The following CDH23 variants were observed in gnomAD, a reference collection of about 807,000 sequenced individuals.
CDH23 encodes cadherin related 23.
A neutral mutation model predicts 317.1 loss-of-function variants in CDH23; 189 were observed. The observed-to-expected ratio is 0.60, with a 90% confidence interval of 0.53 to 0.67. The LOEUF is 0.67. CDH23 is among the 30% of genes least tolerant of loss of function. The probability of loss-of-function intolerance (pLI) is 0.00; values close to 1 mark genes in which losing one functional copy is unlikely to be tolerated. For missense variants in CDH23, 4,401 were observed against 4,592.4 expected (o/e 0.96, Z 1.20); for synonymous variants, 1,839 against 1,876.8 (o/e 0.98, Z 0.52).
At chr10:71,746,818 A>G (rs529585067) in intron 38 of CDH23, among the ~76,000 whole-genome samples, 5 of 152,282 alleles carry the variant, frequency 3.3e-5, no homozygotes, top group African/African-American at 1.2e-4. Context: ...GAAGTCACCT[A>G]TCCAGGCAGA....
chr10:71,511,152 G>T lies in CDH23; in HGVS notation c.369G>T (p.Gly123=). 1 of 1,613,644 alleles carries T rather than the reference G, an allele frequency of 6.2e-7. No individual in the cohort carries two copies. The highest frequency in any genetic ancestry group is 8.5e-7 in the Non-Finnish European group (1 of 1,179,648). Residue 123 remains glycine, a synonymous_variant, in exon 6 of 70, where the codon GGG becomes GGT. Coordinates refer to ENST00000224721, the MANE Select transcript of CDH23 (RefSeq NM_022124.6). ...CACGGAAGGTGAACATCCAGGTTGGGGATGTGAATGACAACGCGCCCACAT... is the reference window on the plus strand; with the variant it reads ...CACGGAAGGTGAACATCCAGGTTGGTGATGTGAATGACAACGCGCCCACAT... ...VITRKVNIQV[G]DVNDNAPTFH...
At chr10:71,509,802 G>C in intron 3 of CDH23, 1 of 431,968 alleles carries the variant, frequency 2.3e-6, no homozygotes, top group Non-Finnish European at 4.2e-6. Context: ...CAGAGAAAGG[G>C]GGGCAGGCAG....
At chr10:71,522,443 G>C (rs1199820305) in intron 6 of CDH23, among the ~76,000 whole-genome samples, 3 of 152,154 alleles carry the variant, frequency 2.0e-5, no homozygotes, top group Non-Finnish European at 4.4e-5. Context: ...CAGGCAGCCA[G>C]CTTCCTCTTG....
At chr10:71,459,140 C>T (rs1308510788) in intron 3 of CDH23, among the ~76,000 whole-genome samples, 16 of 141,086 alleles carry the variant, frequency 1.1e-4, no homozygotes, top group South Asian at 2.3e-4. Context: ...GAGGCTGGCA[C>T]GCAGTGGCAA....
At chr10:71,715,952 T>G (rs1290225314) in intron 28 of CDH23, 1 of 1,473,310 alleles carries the variant, frequency 6.8e-7, no homozygotes, top group African/African-American at 1.4e-5. Context: ...CTTGGTAGAT[T>G]CCATGTAGTC....
rs1302857468 is a variant in CDH23, at chr10:71,809,961, AGC to A, written c.8868_8869del (p.Val2957GlnfsTer5). ...GGCATCTACATCCTGAGGGACGACC[AGC>A]GCGTCAAGATCGTCATTAACGAGAT... On this transcript the variant is annotated frameshift_variant, in exon 61 of 70. Transcript: ENST00000224721. LOFTEE classifies it high-confidence loss of function. The A allele has an allele frequency of 6.2e-7, 1 of 1,612,222 alleles. No individual in the cohort carries two copies. The highest frequency in any genetic ancestry group is 1.3e-5 in the African/African-American group (1 of 74,922).
intron 3 of CDH23, among the ~76,000 whole-genome samples, chr10:71,492,314 A>T (rs1452577715): frequency 6.6e-6 from 1 of 152,136 alleles, no homozygotes; most frequent in East Asian, 1.9e-4. Context: ...CTCTGTCTAT[A>T]CTAGACTGGA....
At chr10:71,506,187 A>G (rs1274201036) in intron 3 of CDH23, among the ~76,000 whole-genome samples, 2 of 152,218 alleles carry the variant, frequency 1.3e-5, no homozygotes, top group Non-Finnish European at 2.9e-5. Flanking sequence ...GGATAGGCGA[A>G]TCCATAGAAA....
At chr10:71,811,778 A>G (rs1841937736) in intron 65 of CDH23, 25 bp downstream of exon 65, 2 of 1,562,696 alleles carry the variant, frequency 1.3e-6, no homozygotes, top group East Asian at 4.8e-5. Context: ...TAGTGGGGAC[A>G]CAGGTGAGAA....
intron 29 of CDH23, among the ~76,000 whole-genome samples, chr10:71,724,470 T>G (rs959073423): frequency 4.6e-5 from 7 of 152,202 alleles, no homozygotes; most frequent in African/African-American, 1.7e-4. Context: ...ATGCCTGTAA[T>G]TTTTTGTGCT....
At chr10:71,795,055 G>A (rs1194318659) in intron 48 of CDH23, among the ~76,000 whole-genome samples, 11 of 152,130 alleles carry the variant, frequency 7.2e-5, no homozygotes, top group Admixed American at 5.9e-4. Flanking sequence ...ATAATAAATG[G>A]GATGAGATAT....
chr10:71,810,349 A>T, intron 61 of CDH23, 123 bp from the exon 62 acceptor site: 1 of 955,748 alleles, frequency 1.0e-6, no homozygotes, highest in Non-Finnish European at 1.6e-6. Context: ...GCAAACATTC[A>T]AACATTCAGT....
At chr10:71,768,491 T>C (rs1350183397) in intron 38 of CDH23, among the ~76,000 whole-genome samples, 1 of 151,708 alleles carries the variant, frequency 6.6e-6, no homozygotes, top group Non-Finnish European at 1.5e-5. Context: ...TTTTCTTTAG[T>C]GAGCTAGGGT....
chr10:71,613,991 C>T (rs149519608), intron 9 of CDH23, among the ~76,000 whole-genome samples: 3 of 152,270 alleles, frequency 2.0e-5, no homozygotes, highest in African/African-American at 7.2e-5. Context: ...TTCTCATAAC[C>T]CTGTGGGGCA....
At chr10:71,690,427 G>A (rs1417877983) in intron 19 of CDH23, 41 bp from the exon 20 acceptor site, 1 of 1,474,344 alleles carries the variant, frequency 6.8e-7, no homozygotes, top group East Asian at 2.4e-5. Flanking sequence ...AGGGGCCCAG[G>A]GTGAGCAGCA....
chr10:71,549,941 G>T (rs1049896498), intron 6 of CDH23, among the ~76,000 whole-genome samples: 1 of 152,148 alleles, frequency 6.6e-6, no homozygotes, highest in Admixed American at 6.5e-5. Context: ...CACAGAGCAG[G>T]GTGGAGAGTT....
intron 11 of CDH23, among the ~76,000 whole-genome samples, chr10:71,639,571 T>C (rs1862437142): frequency 6.6e-6 from 1 of 152,196 alleles, no homozygotes; most frequent in African/African-American, 2.4e-5. Flanking sequence ...GAGCTCTGAC[T>C]CCGAGGCGGG....
chr10:71,794,878 T>A (rs984310432), intron 48 of CDH23, among the ~76,000 whole-genome samples: 1 of 152,084 alleles, frequency 6.6e-6, no homozygotes, highest in African/African-American at 2.4e-5. Context: ...TTGGTGATGG[T>A]GGAGTTGGGG....
intron 9 of CDH23, among the ~76,000 whole-genome samples, chr10:71,590,127 TC>T (rs1014207113): frequency 3.3e-5 from 5 of 152,210 alleles, no homozygotes; most frequent in African/African-American, 1.2e-4. Flanking sequence ...TGGCTAAACT[TC>T]CTGTGCTCCT....
Sources: gnomAD v4.1 joint callset for allele counts (sites outside exome capture counted in the v4.1 genomes callset) on GRCh38, gnomAD v4.1.1 for gene constraint, MANE v1.5 for transcripts, NCBI Gene and HGNC (gene_info 2026-07-23, HGNC 2026-07-21) for gene names.